DOP1A: variants seen among roughly 807,000 people sequenced by gnomAD.
DOP1A encodes DOP1 leucine zipper like protein A.
DOP1A carries 90 observed loss-of-function variants against 267.6 expected under a neutral mutation model. That is an observed-to-expected ratio of 0.34 (90% CI 0.28 to 0.40). The LOEUF is 0.40. Among genes scored for constraint, DOP1A ranks in the 10% least tolerant of loss-of-function variants. The pLI, the probability that DOP1A is intolerant of heterozygous loss-of-function variation, is 1.00. For missense variants in DOP1A, 2,437 were observed against 2,900.4 expected, an observed-to-expected ratio of 0.84 and a Z score of 3.67; for synonymous variants, 932 against 999.1, an observed-to-expected ratio of 0.93 and a Z score of 1.27.
intron 36 of DOP1A, chr6:83,159,594 G>T (rs1270461704): frequency 9.6e-6 from 6 of 628,206 alleles, no homozygotes; most frequent in Non-Finnish European, 1.7e-5. Context: ...CCCAGTCTAT[G>T]TACTGTTTTT....
chr6:83,145,218 ATATAAT>A (rs1780423411), intron 24 of DOP1A, among the ~76,000 whole-genome samples: 1 of 57,098 alleles, frequency 1.8e-5, no homozygotes, highest in African/African-American at 8.4e-5. Context: ...ATATATATAT[ATATAAT>A]ATATATATAT....
intron 29 of DOP1A, 111 bp downstream of exon 29, chr6:83,152,138 T>C: frequency 7.9e-7 from 1 of 1,261,078 alleles, no homozygotes; most frequent in Non-Finnish European, 1.1e-6. Flanking sequence ...TTCTCATGTC[T>C]AACAAGTAAC....
chr6:83,095,565 A>G (rs1771326919), intron 1 of DOP1A, among the ~76,000 whole-genome samples: 1 of 152,176 alleles, frequency 6.6e-6, no homozygotes, highest in Admixed American at 6.5e-5. Flanking sequence ...GATACCAGAA[A>G]AATTAAAGGG....
chr6:83,149,889 A>C (rs780283868), intron 27 of DOP1A, among the ~76,000 whole-genome samples: 1 of 152,122 alleles, frequency 6.6e-6, no homozygotes, highest in African/African-American at 2.4e-5. Context: ...ACCTACAGAG[A>C]GGTTAAGGAA....
At chr6:83,114,849 A>G (rs547335089) in intron 7 of DOP1A, among the ~76,000 whole-genome samples, 10 of 152,284 alleles carry the variant, frequency 6.6e-5, no homozygotes, top group African/African-American at 2.2e-4. Flanking sequence ...TTTTAAAAGT[A>G]TACACCCAGT....
chr6:83,122,899 T>A lies in DOP1A; in HGVS notation c.1257T>A (p.Ile419=), dbSNP rs1214791709. 4.5e-6 allele frequency: 7 copies of A among 1,556,086 alleles called. No individual in the cohort carries two copies. The highest frequency in any genetic ancestry group is 6.1e-6 in the Non-Finnish European group (7 of 1,154,286). The change falls in exon 12 of 39, where the codon ATT becomes ATA. Residue 419 remains isoleucine (I), a synonymous_variant. Coordinates refer to ENST00000349129, the MANE Select transcript of DOP1A (RefSeq NM_015018.4). ...LRENKKTAEL[I]KTANLLFNSF... is the part of the protein sequence containing the mutation. ...AAAATAAGAAAACAGCAGAGCTGAT[T>A]AAAACTGCTAACCTTCTCTTTAATT...
rs1401909137 is a variant in DOP1A at position 83,129,176 on chromosome 6, A to G, written c.2009A>G (p.Gln670Arg). 1.2e-6 allele frequency: 2 copies of G among 1,613,078 alleles called. No individual in the cohort carries two copies. Among genetic ancestry groups the G allele is most frequent in the South Asian group, 1.1e-5 (1 of 90,850 alleles). The change falls in exon 16 of 39, where the codon CAA becomes CGA. Residue 670 changes from glutamine (Q) to arginine (R), a missense_variant. This residue lies in a region of DOP1A where 498 missense variants were observed against 513.5 expected (regional missense o/e 0.97). Transcript: ENST00000349129. ...GCAACCCGAAGTAGGAAGACAGCCC[A>G]AAAGACTGCAATGCAGTGCTGCTTG... ...GTATRSRKTA[Q>R]KTAMQCCLEY...
Position 83,132,338 on chromosome 6 carries a change from C to T in DOP1A, c.2769+10C>T. ...AACCCATAAAGATAAGGTAAATCCT[C>T]TTATCTTGTGCACACCGCCCCCTCC... On this transcript the variant is annotated intron_variant, in intron 18 of 38. Coordinates refer to ENST00000349129, the MANE Select transcript of DOP1A (RefSeq NM_015018.4). 1 of 1,597,404 alleles carries T rather than the reference C, an allele frequency of 6.3e-7. No individual in the cohort carries two copies.
Position 83,119,794 on chromosome 6 carries a change from C to G in DOP1A, c.927C>G (p.His309Gln), listed in dbSNP as rs566533401. 2.5e-5 allele frequency: 41 copies of G among 1,613,142 alleles called. No individual in the cohort carries two copies. The East Asian group carries it at 8.5e-4, about 33-fold the overall frequency. The change falls in exon 9 of 39, where the codon CAC becomes CAG. Residue 309 changes from histidine (H) to glutamine (Q), a missense_variant. By Grantham distance (24) the His-to-Gln change is conservative. Transcript: ENST00000349129. ...GAIIGPRSTR[H>Q]SNPEEHATYY... ...TCATAGGACCCAGAAGCACAAGACA[C>G]AGTAATCCTGAAGAACATGCCACTT...
At position 83,159,899 on chromosome 6, in the gene DOP1A, G is replaced by A. The variant is rs1196823543; in HGVS notation, c.6901G>A (p.Ala2301Thr). The change falls in exon 37 of 39, where the codon GCT becomes ACT. Residue 2301 changes from alanine to threonine, a missense_variant. Coordinates refer to ENST00000349129, the MANE Select transcript of DOP1A (RefSeq NM_015018.4). ...GCGGTGGTTAAACCTCTATCTCTCT[G>A]CTTGCAAATTTTTGGATTTGGCTCT... is the stretch of plus-strand genomic sequence containing the variant. Reference protein sequence around the residue: ...SQRWLNLYLSACKFLDLALAL... With the variant: ...SQRWLNLYLSTCKFLDLALAL... 4 of 1,614,028 alleles carry A rather than the reference G, an allele frequency of 2.5e-6. No homozygotes were observed. The highest frequency in any genetic ancestry group is 3.4e-6 in the Non-Finnish European group (4 of 1,180,016).
At chr6:83,157,958 T>C (rs1783184997) in intron 35 of DOP1A, among the ~76,000 whole-genome samples, 1 of 152,052 alleles carries the variant, frequency 6.6e-6, no homozygotes, top group Non-Finnish European at 1.5e-5. Flanking sequence ...CTTTATAGTT[T>C]CCCTGCAAAT....
chr6:83,157,552 T>C (rs1194320755), intron 35 of DOP1A, among the ~76,000 whole-genome samples: 1 of 152,226 alleles, frequency 6.6e-6, no homozygotes, highest in East Asian at 1.9e-4. Flanking sequence ...GAATGATTAC[T>C]TTCTTGGATC....
At chr6:83,169,208 G>A, downstream of DOP1A, 1 of 1,613,242 alleles carries the variant, frequency 6.2e-7, no homozygotes. Context: ...AAAAAGTCCA[G>A]TTTCTCAGGA....
intron 3 of DOP1A, among the ~76,000 whole-genome samples, chr6:83,098,917 C>A (rs1426796942): frequency 6.6e-6 from 1 of 152,148 alleles, no homozygotes; most frequent in Non-Finnish European, 1.5e-5. Context: ...TACAGCATTC[C>A]TTCCTTCTGG....
intron 1 of DOP1A, among the ~76,000 whole-genome samples, chr6:83,085,205 C>T (rs1287479659): frequency 2.6e-5 from 4 of 152,062 alleles, no homozygotes; most frequent in Non-Finnish European, 4.4e-5. Context: ...ACTATATTGT[C>T]GTTGATAGAT....
rs1781057041 is a variant in DOP1A, at chr6:83,148,929, A to G, written c.5837+66A>G. 6.3e-6 allele frequency: 6 copies of G among 954,338 alleles called. No individual in the cohort carries two copies. In the South Asian group the frequency reaches 1.3e-4, roughly 20 times the overall value. The allele number at this position is 954,338 out of a possible 1,614,324, so 59.1% of individuals were successfully genotyped here. A position where few individuals can be genotyped will look rare whatever the true frequency, so the allele number is the denominator to read the frequency against. On this transcript the variant is annotated intron_variant, in intron 27 of 38. Transcript: ENST00000349129. ...ATGTTAATTGTCCTAGTTGCCAAGT[A>G]TTAGTAATAGATATTTTAGGTGACA...
At position 83,141,992 on chromosome 6, in the gene DOP1A, C is replaced by A; in HGVS notation, c.5487C>A (p.Ala1829=). 1 of 1,612,600 alleles carries A rather than the reference C, an allele frequency of 6.2e-7. No individual in the cohort carries two copies. The highest frequency in any genetic ancestry group is 8.5e-7 in the Non-Finnish European group (1 of 1,179,444). ...SMNHGVHFMA[A]IAFVWNERRQ... Reference sequence around the variant, plus strand: ...ATCATGGTGTTCACTTTATGGCTGCCATTGCATTTGTGTGGAATGAAAGAA... The same window carrying A: ...ATCATGGTGTTCACTTTATGGCTGCAATTGCATTTGTGTGGAATGAAAGAA... The change falls in exon 24 of 39, where the codon GCC becomes GCA. Residue 1829 remains alanine (A), a synonymous_variant. Coordinates refer to ENST00000349129, the MANE Select transcript of DOP1A (RefSeq NM_015018.4).
At chr6:83,072,143 G>A (rs180815871) in intron 1 of DOP1A, among the ~76,000 whole-genome samples, 2 of 152,224 alleles carry the variant, frequency 1.3e-5, no homozygotes, top group East Asian at 3.9e-4. Context: ...TGAACATACT[G>A]GAAAATAAAT....
chr6:83,164,014 C>A (rs1303822812), intron 38 of DOP1A, among the ~76,000 whole-genome samples: 3 of 150,968 alleles, frequency 2.0e-5, no homozygotes, highest in Non-Finnish European at 2.9e-5. Context: ...TTGTTATTAA[C>A]CTTTTGTCAA....
Sources: allele counts gnomAD v4.1 joint callset (sites outside exome capture counted in the v4.1 genomes callset), GRCh38; gene constraint gnomAD v4.1.1; regional missense constraint gnomAD v4.1.1; transcripts MANE v1.5; gene names NCBI Gene and HGNC (gene_info 2026-07-23, HGNC 2026-07-21).